Variants in COL6A1 observed in about 807,000 individuals in gnomAD.
COL6A1 encodes the protein collagen type VI alpha 1 chain.
A neutral mutation model predicts 145.6 loss-of-function variants in COL6A1; 80 were observed. The observed-to-expected ratio is 0.55, with a 90% CI of 0.46 to 0.66. The LOEUF (loss-of-function observed/expected upper bound fraction) is 0.66. Among genes scored for constraint, COL6A1 ranks in the 30% least tolerant of loss-of-function variants. The pLI is 0.00. For missense variants in COL6A1, 1,364 were observed against 1,473.8 expected (o/e 0.93, Z 1.22); for synonymous variants, 638 against 622.8 (o/e 1.02, Z -0.36).
chr21:46,000,598 C>CCGGGGAGG (rs139447078), intron 28 of COL6A1, among the ~76,000 whole-genome samples, 161 bp from the exon 29 acceptor site: 1 of 152,056 alleles, frequency 6.6e-6, no homozygotes, highest in African/African-American at 2.4e-5. Context: ...GGGAGGGCGG[C>CCGGGGAGG]CGGGGAGGCG....
At chr21:46,001,668 C>T (rs2077846217) in intron 30 of COL6A1, among the ~76,000 whole-genome samples, 1 of 152,192 alleles carries the variant, frequency 6.6e-6, no homozygotes, top group Non-Finnish European at 1.5e-5. Flanking sequence ...GGGCTTGTCC[C>T]TCGTGGACAG....
chr21:46,000,958 C>G, intron 29 of COL6A1, 191 bp downstream of exon 29: 1 of 759,320 alleles, frequency 1.3e-6, no homozygotes. Context: ...GCCCCGCCCT[C>G]TTTCACCCAT....
chr21:45,990,670 C>T, intron 13 of COL6A1, 103 bp from the exon 14 acceptor site: 1 of 1,070,470 alleles, frequency 9.3e-7, no homozygotes, highest in Admixed American at 1.7e-5. Flanking sequence ...CAGGGCTTTC[C>T]AGGGAGGGTG....
chr21:45,995,471 A>C (rs1569518550), intron 20 of COL6A1, among the ~76,000 whole-genome samples: 1 of 152,082 alleles, frequency 6.6e-6, no homozygotes, highest in African/African-American at 2.4e-5. Flanking sequence ...GCTGCTCCAG[A>C]CCTTGGTAGC....
Position 46,000,387 on chromosome 21 carries a change from C to T in COL6A1, c.1813+20C>T, listed in dbSNP as rs766839690. The T allele has an allele frequency of 9.9e-6, 16 of 1,613,774 alleles. No individual in the cohort carries two copies. Among genetic ancestry groups the T allele is most frequent in the East Asian group, 2.2e-5 (1 of 44,880 alleles). Reference sequence around the variant, plus strand: ...TGTGCTGTGAGTATCTCTGAGAAGCCGTCCTCGTTAGGGAGAGCAGGGCCG... The same window carrying T: ...TGTGCTGTGAGTATCTCTGAGAAGCTGTCCTCGTTAGGGAGAGCAGGGCCG... On this transcript the variant is annotated intron_variant, in intron 28 of 34. Coordinates refer to ENST00000361866, the MANE Select transcript of COL6A1 (RefSeq NM_001848.3).
chr21:45,999,338 G>A, intron 26 of COL6A1, 120 bp downstream of exon 26: 1 of 1,055,324 alleles, frequency 9.5e-7, no homozygotes, highest in Non-Finnish European at 1.4e-6. Context: ...ATTTTGGGGA[G>A]CACGTCATCT....
intron 3 of COL6A1, among the ~76,000 whole-genome samples, chr21:45,986,229 C>A (rs1243871501): frequency 2.0e-5 from 3 of 152,238 alleles, no homozygotes; most frequent in Non-Finnish European, 4.4e-5. Flanking sequence ...TCAGCCTCCA[C>A]TCACTGGTCA....
chr21:45,983,242 G>C (rs1271485312), intron 2 of COL6A1, among the ~76,000 whole-genome samples: 2 of 152,216 alleles, frequency 1.3e-5, no homozygotes, highest in Non-Finnish European at 2.9e-5. Flanking sequence ...TCGGGAGCCA[G>C]GAGGGGTGTC....
Position 45,991,120 on chromosome 21 carries a change from A to G in COL6A1, c.1119+79A>G, listed in dbSNP as rs941967110. On this transcript the variant is annotated intron_variant, in intron 15 of 34. Transcript: ENST00000361866. Reference sequence around the variant, plus strand: ...TGAATTGGAAACCTCTCCTGGAAGCAAGTCCTGGTCCGAGCATGTCGGCCA... The same window carrying G: ...TGAATTGGAAACCTCTCCTGGAAGCGAGTCCTGGTCCGAGCATGTCGGCCA... The G allele has an allele frequency of 4.7e-6, 7 of 1,505,046 alleles. No homozygotes were observed. In the Admixed American group the frequency reaches 6.8e-5, roughly 15 times the overall value. 93.2% of individuals were successfully genotyped at this position (1,505,046 alleles called of 1,614,324 possible).
rs1235105239 is a variant in COL6A1, at chr21:46,004,885, T to A, written c.*872T>A. On this transcript the variant is annotated 3_prime_UTR_variant, in exon 35 of 35. Transcript: ENST00000361866. ...CCCCTTGGTGCCACAGAGGGCTGTG[T>A]CTTACTAGAAACAACGCAAACCTCT... 5.9e-6 allele frequency: 1 copy of A among 169,558 alleles called. No homozygotes were observed. Among genetic ancestry groups the A allele is most frequent in the Non-Finnish European group, 1.3e-5 (1 of 76,372 alleles). 10.5% of individuals were successfully genotyped at this position (169,558 alleles called of 1,614,324 possible).
Position 45,992,380 on chromosome 21 carries a change from C to T in COL6A1, c.1254C>T (p.Asp418=), listed in dbSNP as rs148630223. Residue 418 remains aspartate (D), a synonymous_variant, in exon 18 of 35, where the codon GAC becomes GAT. Coordinates refer to ENST00000361866, the MANE Select transcript of COL6A1 (RefSeq NM_001848.3). ...CATCCCAGGGGAACCCAGGACCTGA[C>T]GGTGCCCCCGGGGAGCGGGTGAGTG... ...EAGDEGNPGP[D]GAPGERGGPG... The T allele has an allele frequency of 1.5e-4, 238 of 1,613,480 alleles. No individual in the cohort carries two copies. The highest frequency in any genetic ancestry group is 5.3e-4 in the African/African-American group (40 of 75,050).
chr21:45,997,494 C>T lies in COL6A1; in HGVS notation c.1461+11C>T, dbSNP rs1157144260. The T allele has an allele frequency of 3.1e-6, 5 of 1,588,700 alleles. 1 individual carries two copies. In the South Asian group the frequency reaches 5.5e-5, roughly 18 times the overall value. ...CCCCCAGGGTCCGAGGTGAGTCCCA[C>T]TCCCCACCCACACCCGCCCACCCAG... is the stretch of plus-strand genomic sequence containing the variant. On this transcript the variant is annotated intron_variant, in intron 21 of 34. Transcript: ENST00000361866.
chr21:46,000,555 A>G (rs1156397097), intron 28 of COL6A1, among the ~76,000 whole-genome samples, 188 bp downstream of exon 28: 1 of 152,022 alleles, frequency 6.6e-6, no homozygotes, highest in African/African-American at 2.4e-5. Flanking sequence ...GCACAGGCTG[A>G]GAGTCCCCGG....
At chr21:45,987,107 G>A (rs377408965) in intron 5 of COL6A1, 35 bp downstream of exon 5, 39 of 1,571,410 alleles carry the variant, frequency 2.5e-5, no homozygotes, top group Non-Finnish European at 2.8e-5. Context: ...GGAGGCCCGC[G>A]GCGGCCGCAG....
chr21:45,998,004 G>T (rs1398388076), intron 22 of COL6A1, 117 bp from the exon 23 acceptor site: 8 of 1,348,732 alleles, frequency 5.9e-6, no homozygotes, highest in Non-Finnish European at 8.3e-6. Context: ...AGGGGAGGGA[G>T]CCGGCTTCTG....
At chr21:46,000,842 CACAGG>C in intron 29 of COL6A1, 75 bp downstream of exon 29, 3 of 1,552,002 alleles carry the variant, frequency 1.9e-6, no homozygotes, top group Non-Finnish European at 2.7e-6. Context: ...CCACACATGT[CACAGG>C]ACAGCACATG....
At position 45,982,638 on chromosome 21, in the gene COL6A1, C is replaced by T. The variant is rs373972331; in HGVS notation, c.102C>T (p.Cys34=). 64 of 1,612,730 alleles carry T rather than the reference C, an allele frequency of 4.0e-5. No individual in the cohort carries two copies. Among genetic ancestry groups the T allele is most frequent in the Non-Finnish European group, 5.3e-5 (63 of 1,179,952 alleles). Residue 34 remains cysteine, a synonymous_variant, in exon 2 of 35, where the codon TGC becomes TGT. Coordinates refer to ENST00000361866, the MANE Select transcript of COL6A1 (RefSeq NM_001848.3). ...CTCTCCTCCATCTTCGGCCAGACTG[C>T]CCCGTGGACCTGTTCTTTGTGCTGG... ...ETPRAVAFQD[C]PVDLFFVLDT... is the part of the protein sequence containing the mutation.
At chr21:45,992,137 C>T (rs1012927526) in intron 16 of COL6A1, 27 bp from the exon 17 acceptor site, 9 of 1,613,594 alleles carry the variant, frequency 5.6e-6, no homozygotes, top group East Asian at 4.5e-5. Context: ...GGAGATGGAG[C>T]GACCATTCAA....
At chr21:45,985,327 CAGAG>C (rs969673765) in intron 3 of COL6A1, among the ~76,000 whole-genome samples, 29 of 149,664 alleles carry the variant, frequency 1.9e-4, no homozygotes, top group Non-Finnish European at 1.5e-4. Context: ...GAGATAGAAG[CAGAG>C]AGAGAGAGAC....
Sources: allele counts gnomAD v4.1 joint callset (sites outside exome capture counted in the v4.1 genomes callset), GRCh38; gene constraint gnomAD v4.1.1; transcripts MANE v1.5; gene names NCBI Gene and HGNC (gene_info 2026-07-23, HGNC 2026-07-21).